Variants in SH3YL1 observed in about 807,000 individuals in gnomAD.
SH3YL1 encodes the protein SH3 domain-containing YSC84-like protein 1.
A neutral mutation model predicts 45.8 loss-of-function variants in SH3YL1; 41 were observed. The ratio of observed to expected loss-of-function variants is 0.89; its 90% CI spans 0.70 to 1.16. The LOEUF (loss-of-function observed/expected upper bound fraction) is 1.16. SH3YL1 is among the 50% of genes most tolerant of loss of function. The pLI is 0.00. For synonymous variants in SH3YL1, 152 were observed against 151.4 expected, an observed-to-expected ratio of 1.00 and a Z score of -0.03; for missense variants, 389 against 409.6, an observed-to-expected ratio of 0.95 and a Z score of 0.43.
chr2:218,300 A>C lies in SH3YL1; in HGVS notation c.*511T>G, dbSNP rs1176201769. ...AGACATGGTAGTCAGACTTCTTTGT[A>C]ATCACATTTCTATGATAAATGCATA... On this transcript the variant is annotated 3_prime_UTR_variant, in exon 10 of 10. Coordinates refer to ENST00000356150, the MANE Select transcript of SH3YL1 (RefSeq NM_015677.4). 1 of 152,296 alleles carries C rather than the reference A, an allele frequency of 6.6e-6. No individual in the cohort carries two copies. The highest frequency in any genetic ancestry group is 1.5e-5 in the Non-Finnish European group (1 of 68,106). 9.4% of individuals were successfully genotyped at this position (152,296 alleles called of 1,614,324 possible). A position where few individuals can be genotyped will look rare whatever the true frequency, so the allele number is the denominator to read the frequency against.
intron 4 of SH3YL1, among the ~76,000 whole-genome samples, chr2:238,014 T>C (rs1006618891): frequency 1.3e-5 from 2 of 152,148 alleles, no homozygotes; most frequent in Admixed American, 6.5e-5. Context: ...CTCCCTCTTG[T>C]GTGGTCAGCC....
intron 8 of SH3YL1, 41 bp downstream of exon 8, chr2:229,921 ATTAC>A: frequency 7.1e-7 from 1 of 1,402,446 alleles, no homozygotes; most frequent in Non-Finnish European, 1.0e-6. Flanking sequence ...ACATTTAATA[ATTAC>A]TTAATTACAA....
intron 4 of SH3YL1, chr2:243,496 A>C (rs1349168779): frequency 6.5e-7 from 1 of 1,531,874 alleles, no homozygotes; most frequent in Non-Finnish European, 8.8e-7. Context: ...ATGAAGACAC[A>C]ACATACCCAC....
At chr2:259,537 T>C (rs1251510139) in intron 1 of SH3YL1, 1 of 151,422 alleles carries the variant, frequency 6.6e-6, no homozygotes, top group East Asian at 1.9e-4. Context: ...AATGGGAAAA[T>C]AAACAAGCAA....
At chr2:242,895 G>A in intron 4 of SH3YL1, 1 of 1,424,724 alleles carries the variant, frequency 7.0e-7, no homozygotes, top group Non-Finnish European at 9.3e-7. Context: ...AACAAAAAAT[G>A]TAATTAGGAT....
intron 6 of SH3YL1, among the ~76,000 whole-genome samples, chr2:232,646 A>G (rs1306124353): frequency 1.3e-5 from 2 of 151,932 alleles, no homozygotes; most frequent in South Asian, 2.1e-4. Flanking sequence ...CCTGTGTCCA[A>G]GTGTTCTCAT....
At chr2:231,991 G>A (rs951448782) in intron 6 of SH3YL1, among the ~76,000 whole-genome samples, 10 of 151,356 alleles carry the variant, frequency 6.6e-5, no homozygotes, top group Non-Finnish European at 1.2e-4. Flanking sequence ...GGGTCTGTCT[G>A]CCACGCGTGG....
chr2:259,340 T>G (rs897027309), intron 1 of SH3YL1: 2 of 151,616 alleles, frequency 1.3e-5, no homozygotes, highest in African/African-American at 4.9e-5. Context: ...TTACAGGGGG[T>G]TTCTCTCTGT....
At chr2:238,259 TTGTGTG>T (rs3842546) in intron 4 of SH3YL1, among the ~76,000 whole-genome samples, 1,493 of 141,868 alleles carry the variant, frequency 0.011, 15 homozygotes, top group Admixed American at 0.026. Context: ...TCCTCCCTCC[TTGTGTG>T]TGTGTGTGTG....
intron 3 of SH3YL1, among the ~76,000 whole-genome samples, chr2:248,811 T>G (rs1388201684): frequency 1.3e-5 from 2 of 152,296 alleles, no homozygotes; most frequent in South Asian, 2.1e-4. Context: ...ATTTGGATAA[T>G]GCTTGAGAAA....
chr2:262,351 T>C (rs1669617923), intron 1 of SH3YL1: 10 of 257,212 alleles, frequency 3.9e-5, no homozygotes, highest in South Asian at 3.6e-4. Flanking sequence ...TAGCCTGAGC[T>C]TGTTTCCAGT....
chr2:233,071 T>C, intron 6 of SH3YL1, 30 bp downstream of exon 6: 1 of 1,519,614 alleles, frequency 6.6e-7, no homozygotes, highest in South Asian at 1.3e-5. Flanking sequence ...CATCACACTT[T>C]CAATTAAAAT....
chr2:223,062 A>T (rs1032877906), intron 9 of SH3YL1: 13 of 152,192 alleles, frequency 8.5e-5, no homozygotes, highest in African/African-American at 3.1e-4. Context: ...GAATGGGCTA[A>T]AGGAATATTA....
chr2:245,727 T>C (rs1337257191), intron 4 of SH3YL1, among the ~76,000 whole-genome samples: 2 of 152,152 alleles, frequency 1.3e-5, no homozygotes, highest in Non-Finnish European at 2.9e-5. Context: ...AGGAGAAGAT[T>C]GATTATTTAT....
chr2:232,995 C>T (rs1321628782), intron 6 of SH3YL1, 106 bp downstream of exon 6: 8 of 963,648 alleles, frequency 8.3e-6, no homozygotes, highest in Non-Finnish European at 1.1e-5. Context: ...CTTAAAACCA[C>T]ATGTTGTAAA....
intron 1 of SH3YL1, among the ~76,000 whole-genome samples, chr2:253,605 A>G (rs1187955433): frequency 6.6e-6 from 1 of 152,154 alleles, no homozygotes; most frequent in African/African-American, 2.4e-5. Context: ...TTTCCAGAAA[A>G]CTCACGAATA....
chr2:229,402 A>G (rs1448819886), intron 8 of SH3YL1, among the ~76,000 whole-genome samples: 1 of 152,184 alleles, frequency 6.6e-6, no homozygotes, highest in Non-Finnish European at 1.5e-5. Context: ...AAATGAGAAA[A>G]CCTTTGAAGA....
intron 1 of SH3YL1, chr2:260,242 A>G (rs1361543171): frequency 2.0e-5 from 3 of 152,246 alleles, no homozygotes; most frequent in African/African-American, 4.8e-5. Flanking sequence ...TTACATTTAT[A>G]CATATATCTA....
intron 8 of SH3YL1, among the ~76,000 whole-genome samples, chr2:229,243 A>G (rs552425660): frequency 6.6e-6 from 1 of 152,310 alleles, no homozygotes; most frequent in South Asian, 2.1e-4. Context: ...TTTAAAAACC[A>G]CCTTATGAGA....
Sources: allele counts gnomAD v4.1 joint callset (sites outside exome capture counted in the v4.1 genomes callset), GRCh38; gene constraint gnomAD v4.1.1; transcripts MANE v1.5; gene names NCBI Gene and HGNC (gene_info 2026-07-23, HGNC 2026-07-21).